GRM8: variants seen among roughly 807,000 people sequenced by gnomAD.
GRM8 encodes the protein metabotropic glutamate receptor 8.
Under a neutral mutation model 87.2 loss-of-function variants are expected in GRM8, and 47 were observed. The ratio of observed to expected loss-of-function variants is 0.54; its 90% confidence interval spans 0.43 to 0.69. The LOEUF (loss-of-function observed/expected upper bound fraction) is 0.69. Ranked by LOEUF, GRM8 falls within the 30% of genes least tolerant of loss-of-function variation. GRM8 has a pLI of 0.00. For missense variants in GRM8, 1,019 were observed against 1,139.2 expected (o/e 0.89, Z 1.52); for synonymous variants, 396 against 404.5 (o/e 0.98, Z 0.25).
rs1796056267 is a variant in GRM8, at chr7:126,585,788, T to A, written c.1494+23574A>T. ...ACTGGCACAAGACAGGGATGCCCTC[T>A]CTCACCACTCCTTTTCAACATAGTG... On this transcript the variant is annotated intron_variant, in intron 8 of 10. Transcript: ENST00000339582. Among the ~76,000 whole-genome samples, 3 of 152,176 alleles carry A rather than the reference T, an allele frequency of 2.0e-5. No homozygotes were observed. In the South Asian group the frequency reaches 6.2e-4, roughly 31 times the overall value.
intron 2 of GRM8, among the ~76,000 whole-genome samples, chr7:127,163,591 T>C (rs574610442): frequency 2.0e-5 from 3 of 152,202 alleles, no homozygotes; most frequent in Non-Finnish European, 4.4e-5. Context: ...TATTTATCCA[T>C]GTATAAGAAT....
chr7:127,186,185 C>A (rs1407304527), intron 2 of GRM8, among the ~76,000 whole-genome samples: 1 of 151,988 alleles, frequency 6.6e-6, no homozygotes, highest in Non-Finnish European at 1.5e-5. Context: ...CCAGTTAGAT[C>A]AGTTGTAAAT....
At chr7:126,496,326 A>AT (rs1404106110) in intron 9 of GRM8, among the ~76,000 whole-genome samples, 1 of 151,872 alleles carries the variant, frequency 6.6e-6, no homozygotes, top group African/African-American at 2.4e-5. Context: ...GAATCTGCAG[A>AT]TTTTATAGAT....
intron 2 of GRM8, among the ~76,000 whole-genome samples, chr7:127,209,950 C>A (rs1314812067): frequency 1.3e-5 from 2 of 152,136 alleles, no homozygotes; most frequent in Non-Finnish European, 2.9e-5. Context: ...ATAATTCACC[C>A]ACTACCCCAT....
In GRM8 at chr7:127,104,454, T is replaced by C. The variant is rs553448814; in HGVS notation, c.727+2042A>G. On this transcript the variant is annotated intron_variant, in intron 3 of 10. Transcript: ENST00000339582. ...ATGTAAAAGGTTTAATTTTCAGCTA[T>C]TTTTGTTCTAGATAAAATCTTTGTC... 5.6e-4 allele frequency among the ~76,000 whole-genome samples: 86 copies of C among 152,340 alleles called. 1 individual carries two copies. The highest frequency in any genetic ancestry group is 7.1e-4 in the Non-Finnish European group (48 of 68,022).
chr7:126,807,816 C>A (rs1314230232), intron 6 of GRM8, among the ~76,000 whole-genome samples: 2 of 152,112 alleles, frequency 1.3e-5, no homozygotes. Flanking sequence ...CCTAACTCCA[C>A]ACAAGACTAG....
intron 6 of GRM8, among the ~76,000 whole-genome samples, chr7:126,878,652 T>C (rs1799746990): frequency 6.6e-6 from 1 of 151,596 alleles, no homozygotes; most frequent in South Asian, 2.1e-4. Context: ...CCCAAATAGC[T>C]GGGATTATGG....
At chr7:127,073,274 T>C (rs1235304625) in intron 3 of GRM8, among the ~76,000 whole-genome samples, 1 of 152,136 alleles carries the variant, frequency 6.6e-6, no homozygotes, top group East Asian at 1.9e-4. Flanking sequence ...TCTGGATCAC[T>C]CTGAACCCAT....
chr7:127,059,687 C>T (rs148144701), intron 3 of GRM8, among the ~76,000 whole-genome samples: 1 of 152,146 alleles, frequency 6.6e-6, no homozygotes, highest in Non-Finnish European at 1.5e-5. Context: ...TACCATAATC[C>T]TTCATCATAA....
At chr7:126,565,100 C>T (rs975989040) in intron 8 of GRM8, among the ~76,000 whole-genome samples, 1 of 152,128 alleles carries the variant, frequency 6.6e-6, no homozygotes, top group African/African-American at 2.4e-5. Context: ...CAGGTAACAT[C>T]ACACTCAGTG....
chr7:126,692,580 G>A (rs1428600765), intron 7 of GRM8, among the ~76,000 whole-genome samples: 1 of 152,142 alleles, frequency 6.6e-6, no homozygotes, highest in Non-Finnish European at 1.5e-5. Context: ...TTGAATTCTT[G>A]CAGCAGCACA....
chr7:126,973,634 T>A (rs1191861884), intron 3 of GRM8, among the ~76,000 whole-genome samples: 1 of 152,188 alleles, frequency 6.6e-6, no homozygotes, highest in African/African-American at 2.4e-5. Flanking sequence ...TGTAGGGCTT[T>A]TGTAAAATTC....
chr7:126,662,222 C>A (rs1805253410), intron 7 of GRM8, among the ~76,000 whole-genome samples: 1 of 152,038 alleles, frequency 6.6e-6, no homozygotes. Context: ...CTGAAGATAA[C>A]AGAATAAGCA....
chr7:126,689,865 A>G (rs1585534440), intron 7 of GRM8, among the ~76,000 whole-genome samples: 1 of 152,206 alleles, frequency 6.6e-6, no homozygotes, highest in Non-Finnish European at 1.5e-5. Context: ...CAGAGAGGCT[A>G]TATGTTTCTA....
intron 3 of GRM8, among the ~76,000 whole-genome samples, chr7:126,968,979 CTTT>C (rs1563364566): frequency 6.6e-6 from 1 of 152,138 alleles, no homozygotes; most frequent in Non-Finnish European, 1.5e-5. Flanking sequence ...GTCATGTGAA[CTTT>C]TTTATTTCCT....
intron 9 of GRM8, among the ~76,000 whole-genome samples, chr7:126,452,447 G>A (rs1802728492): frequency 4.2e-5 from 6 of 144,352 alleles, no homozygotes; most frequent in South Asian, 4.5e-4. Flanking sequence ...AAAAAAAAAG[G>A]AAAGAAAACT....
At chr7:126,671,749 A>T (rs1220633300) in intron 7 of GRM8, among the ~76,000 whole-genome samples, 4 of 152,182 alleles carry the variant, frequency 2.6e-5, no homozygotes, top group African/African-American at 9.7e-5. Context: ...CCTTTTTGGG[A>T]AAGTAAGACC....
chr7:126,569,114 C>T (rs2150981281), intron 8 of GRM8, among the ~76,000 whole-genome samples: 1 of 152,126 alleles, frequency 6.6e-6, no homozygotes, highest in Non-Finnish European at 1.5e-5. Flanking sequence ...CCATTTATGC[C>T]CCAAAGTTTA....
intron 3 of GRM8, among the ~76,000 whole-genome samples, chr7:126,967,265 C>T (rs1174555247): frequency 6.6e-6 from 1 of 152,130 alleles, no homozygotes; most frequent in Admixed American, 6.5e-5. Flanking sequence ...GATTTGAATA[C>T]ACTTATAAAC....
Sources: gnomAD v4.1 joint callset for allele counts (sites outside exome capture counted in the v4.1 genomes callset) on GRCh38, gnomAD v4.1.1 for gene constraint, MANE v1.5 for transcripts, NCBI Gene and HGNC (gene_info 2026-07-23, HGNC 2026-07-21) for gene names.